The following PTPN1 variants were observed in gnomAD, a reference collection of about 807,000 sequenced individuals.
The protein encoded by PTPN1 is tyrosine-protein phosphatase non-receptor type 1.
In PTPN1, 12 loss-of-function variants were observed where a neutral mutation model predicts 59.9. That is an observed-to-expected ratio of 0.20 (90% CI 0.13 to 0.32). PTPN1 has a LOEUF of 0.32. Among genes scored for constraint, PTPN1 ranks in the 10% least tolerant of loss-of-function variants. PTPN1 has a pLI of 1.00. For synonymous variants in PTPN1, 178 were observed against 203.6 expected (o/e 0.87, Z 1.07); for missense variants, 356 against 549.2 (o/e 0.65, Z 3.52).
intron 1 of PTPN1, among the ~76,000 whole-genome samples, chr20:50,548,743 T>C (rs1340783075): frequency 3.3e-5 from 5 of 151,826 alleles, no homozygotes; most frequent in Non-Finnish European, 7.4e-5. Flanking sequence ...TGAGAGGGAG[T>C]CTCGCTCTGT....
At chr20:50,573,831 A>T (rs2122795517) in intron 4 of PTPN1, 1 of 152,376 alleles carries the variant, frequency 6.6e-6, no homozygotes, top group Admixed American at 6.5e-5. Context: ...ACCCTAAATG[A>T]AACCAAATTT....
chr20:50,580,025 T>C, intron 8 of PTPN1, 99 bp downstream of exon 8: 1 of 1,142,000 alleles, frequency 8.8e-7, no homozygotes, highest in South Asian at 1.4e-5. Context: ...CAGCCTCCTG[T>C]TGGCAAGCAG....
chr20:50,547,680 G>A (rs2082681940), intron 1 of PTPN1, among the ~76,000 whole-genome samples: 1 of 152,094 alleles, frequency 6.6e-6, no homozygotes, highest in African/African-American at 2.4e-5. Flanking sequence ...ATTTTTCAGT[G>A]GTAGACCACT....
rs2082848260 is a variant in PTPN1 at position 50,578,511 on chromosome 20, T to C, written c.584T>C (p.Leu195Pro). The change falls in exon 6 of 10, where the codon CTT becomes CCT. Residue 195 changes from leucine (L) to proline (P), a missense_variant. Around this residue, in one of 3 missense-constraint regions of PTPN1, gnomAD observed 194 missense variants for 344.2 expected, o/e 0.56. Transcript: ENST00000371621. ...PESPASFLNF[L>P]FKVRESGSLS... ...TCACCAGCCTCATTCTTGAACTTTC[T>C]TTTCAAAGTCCGAGAGTCAGGGTCA... 1.2e-6 allele frequency: 2 copies of C among 1,614,244 alleles called. No individual in the cohort carries two copies. Among genetic ancestry groups the C allele is most frequent in the Non-Finnish European group, 1.7e-6 (2 of 1,180,024 alleles).
At chr20:50,518,290 T>C (rs1489523756) in intron 1 of PTPN1, among the ~76,000 whole-genome samples, 1 of 152,254 alleles carries the variant, frequency 6.6e-6, no homozygotes, top group Non-Finnish European at 1.5e-5. Flanking sequence ...AATAGAGTTC[T>C]CTTAAGAACG....
chr20:50,581,327 C>T lies in PTPN1; in HGVS notation c.1151C>T (p.Ala384Val). 8.1e-6 allele frequency: 13 copies of T among 1,613,998 alleles called. No homozygotes were observed. The highest frequency in any genetic ancestry group is 1.1e-5 in the Non-Finnish European group (13 of 1,179,846). ...VVGGSLRGAQ[A>V]ASPAKGEPSL... ...GGGGGAAGTCTTCGAGGTGCCCAGGCTGCCTCCCCAGCCAAAGGGGAGCCG... is the reference window on the plus strand; with the variant it reads ...GGGGGAAGTCTTCGAGGTGCCCAGGTTGCCTCCCCAGCCAAAGGGGAGCCG... The change falls in exon 9 of 10, where the codon GCT becomes GTT. Residue 384 changes from alanine (A) to valine (V), a missense_variant. Physicochemically the swap from Ala to Val is moderately conservative, Grantham distance 64 (BLOSUM62 0). Around this residue, in one of 3 missense-constraint regions of PTPN1, gnomAD observed 62 missense variants for 97.2 expected, o/e 0.64. Coordinates refer to ENST00000371621, the MANE Select transcript of PTPN1 (RefSeq NM_002827.4).
intron 1 of PTPN1, among the ~76,000 whole-genome samples, chr20:50,554,962 A>G (rs933560036): frequency 3.3e-5 from 5 of 152,204 alleles, no homozygotes; most frequent in Admixed American, 1.3e-4. Context: ...AGCCATGTCA[A>G]TAGTTATATT....
intron 1 of PTPN1, among the ~76,000 whole-genome samples, chr20:50,524,926 TTCAAG>T (rs1209761345): frequency 1.3e-5 from 2 of 152,054 alleles, no homozygotes; most frequent in Non-Finnish European, 2.9e-5. Flanking sequence ...GAGTGATTCT[TTCAAG>T]TCAAGTACCT....
Position 50,568,462 on chromosome 20 carries a change from T to C in PTPN1, c.338T>C (p.Val113Ala). Residue 113 changes from valine (V) to alanine (A), a missense_variant, in exon 4 of 10, where the codon GTG becomes GCG. By Grantham distance (64) the Val-to-Ala change is moderately conservative. Coordinates refer to ENST00000371621, the MANE Select transcript of PTPN1 (RefSeq NM_002827.4). This position sits in a 1 kb window ranked among gnomAD's most constrained non-coding sequence, Gnocchi z 5.6. Reference sequence around the variant, plus strand: ...AGGGGTGTCGTCATGCTCAACAGAGTGATGGAGAAAGGTTCGGTAAGTCTC... The same window carrying C: ...AGGGGTGTCGTCATGCTCAACAGAGCGATGGAGAAAGGTTCGGTAAGTCTC... ...KSRGVVMLNR[V>A]MEKGSLKCAQ... 1 of 1,613,966 alleles carries C rather than the reference T, an allele frequency of 6.2e-7. No homozygotes were observed. The highest frequency in any genetic ancestry group is 8.5e-7 in the Non-Finnish European group (1 of 1,179,926).
chr20:50,566,319 G>C (rs561549483), intron 3 of PTPN1, among the ~76,000 whole-genome samples: 2 of 152,314 alleles, frequency 1.3e-5, no homozygotes, highest in African/African-American at 4.8e-5. Flanking sequence ...GAGTCAGGAA[G>C]CCCTTTAAAT....
intron 1 of PTPN1, among the ~76,000 whole-genome samples, chr20:50,550,164 C>T (rs1272864220): frequency 6.6e-6 from 1 of 152,132 alleles, no homozygotes; most frequent in East Asian, 1.9e-4. Flanking sequence ...AAATCATTGC[C>T]TTTACTATAT....
rs1452456181 is a variant in PTPN1, at chr20:50,584,504, A to G, written c.*1789A>G. The G allele has an allele frequency of 1.3e-5, 2 of 152,552 alleles. No individual in the cohort carries two copies. The highest frequency in any genetic ancestry group is 2.4e-5 in the African/African-American group (1 of 41,414). The allele number at this position is 152,552 out of a possible 1,614,324, so 9.4% of individuals were successfully genotyped here. On this transcript the variant is annotated 3_prime_UTR_variant, in exon 10 of 10. Coordinates refer to ENST00000371621, the MANE Select transcript of PTPN1 (RefSeq NM_002827.4). ...TGCCTTAAGCCAATATTTACTCATC[A>G]GGTCATTATTTTTTACAATGGCCAT...
At chr20:50,522,190 G>A (rs1007531372) in intron 1 of PTPN1, among the ~76,000 whole-genome samples, 1 of 152,030 alleles carries the variant, frequency 6.6e-6, no homozygotes, top group Non-Finnish European at 1.5e-5. Context: ...GCCTCCTTCT[G>A]CTATTTTGAG....
In PTPN1 at chr20:50,565,020, C is replaced by G; in HGVS notation, c.206C>G (p.Ala69Gly). 1 of 1,613,334 alleles carries G rather than the reference C, an allele frequency of 6.2e-7. No individual in the cohort carries two copies. The highest frequency in any genetic ancestry group is 8.5e-7 in the Non-Finnish European group (1 of 1,179,842). The change falls in exon 3 of 10, where the codon GCT becomes GGT. Residue 69 changes from alanine (A) to glycine (G), a missense_variant. Around this residue, in one of 3 missense-constraint regions of PTPN1, gnomAD observed 194 missense variants for 344.2 expected, o/e 0.56. Coordinates refer to ENST00000371621, the MANE Select transcript of PTPN1 (RefSeq NM_002827.4). Reference sequence around the variant, plus strand: ...CAAGAAGATAATGACTATATCAACGCTAGTTTGATAAAAATGGAAGAAGCC... The same window carrying G: ...CAAGAAGATAATGACTATATCAACGGTAGTTTGATAAAAATGGAAGAAGCC... ...LHQEDNDYINASLIKMEEAQR... is the reference protein window; with the variant it reads ...LHQEDNDYINGSLIKMEEAQR...
Position 50,578,644 on chromosome 20 carries a change from G to A in PTPN1, c.702+15G>A, listed in dbSNP as rs752396584. The A allele has an allele frequency of 3.2e-5, 52 of 1,610,474 alleles. No homozygotes were observed. Among genetic ancestry groups the A allele is most frequent in the African/African-American group, 5.3e-5 (4 of 74,836 alleles). On this transcript the variant is annotated intron_variant, in intron 6 of 9. Coordinates refer to ENST00000371621, the MANE Select transcript of PTPN1 (RefSeq NM_002827.4). ...GCCTCTTGCTGGTAAGGAGGCCCTCGCGGGTGCCCTGGGGAGCTCCTCTAC... is the reference window on the plus strand; with the variant it reads ...GCCTCTTGCTGGTAAGGAGGCCCTCACGGGTGCCCTGGGGAGCTCCTCTAC...
At chr20:50,534,741 A>T (rs1313837843) in intron 1 of PTPN1, among the ~76,000 whole-genome samples, 1 of 150,270 alleles carries the variant, frequency 6.7e-6, no homozygotes, top group African/African-American at 2.5e-5. Context: ...TTTTTTTTTT[A>T]AAGAGATGCA....
At chr20:50,539,117 C>A (rs1272053557) in intron 1 of PTPN1, among the ~76,000 whole-genome samples, 1 of 149,510 alleles carries the variant, frequency 6.7e-6, no homozygotes, top group Non-Finnish European at 1.5e-5. Flanking sequence ...CTCACCGCAA[C>A]CTCCACCTTC....
rs78487045 is a variant in PTPN1 at position 50,551,685 on chromosome 20, G to A, written c.64-9678G>A. On this transcript the variant is annotated intron_variant, in intron 1 of 9. Coordinates refer to ENST00000371621, the MANE Select transcript of PTPN1 (RefSeq NM_002827.4). ...TGTGGACTGGGGGAAGGAGAGATCC[G>A]TAAAGAACCTGTTTGTTACCTGTTG... Among the ~76,000 whole-genome samples, 251 of 152,296 alleles carry A rather than the reference G, an allele frequency of 1.6e-3. 1 individual carries two copies. In the East Asian group the frequency reaches 0.017, roughly 10 times the overall value.
intron 9 of PTPN1, 124 bp downstream of exon 9, chr20:50,581,584 G>A: frequency 1.7e-6 from 2 of 1,155,942 alleles, no homozygotes; most frequent in South Asian, 3.7e-5. Context: ...ACAGATCAAA[G>A]GTTTTTAAAG....
Sources: gnomAD v4.1 joint callset for allele counts (sites outside exome capture counted in the v4.1 genomes callset) on GRCh38, gnomAD v4.1.1 for gene constraint, gnomAD v4.1.1 regional missense constraint, Gnocchi (gnomAD v3.1) non-coding constraint, MANE v1.5 for transcripts, NCBI Gene and HGNC (gene_info 2026-07-23, HGNC 2026-07-21) for gene names.